Variants in HEPACAM observed in about 807,000 individuals in gnomAD.
HEPACAM encodes hepatic and glial cell adhesion molecule.
In HEPACAM, 18 loss-of-function variants were observed where a neutral mutation model predicts 38.3. The observed-to-expected ratio is 0.47, with a 90% CI of 0.33 to 0.70. The LOEUF (loss-of-function observed/expected upper bound fraction) is 0.70, where lower values mean the gene tolerates loss of function less well. Ranked by LOEUF, HEPACAM falls within the 30% of genes least tolerant of loss-of-function variation. The probability of loss-of-function intolerance (pLI) is 0.03; values close to 1 mark genes in which losing one functional copy is unlikely to be tolerated. For synonymous variants in HEPACAM, 216 were observed against 243.1 expected (o/e 0.89, Z 1.04); for missense variants, 466 against 563.0 (o/e 0.83, Z 1.74).
At chr11:124,922,940 G>T in intron 4 of HEPACAM, 122 bp from the exon 5 acceptor site, 1 of 989,800 alleles carries the variant, frequency 1.0e-6, no homozygotes, top group East Asian at 2.4e-5. Flanking sequence ...GATGGGCTGG[G>T]TACAGTTCAT....
intron 1 of HEPACAM, 151 bp from the exon 2 acceptor site, chr11:124,925,220 T>A: frequency 1.6e-6 from 1 of 620,562 alleles, no homozygotes; most frequent in Non-Finnish European, 2.8e-6. Context: ...GGGTGCTATC[T>A]CCTCCCCCAC....
chr11:124,927,936 C>T (rs1204930053), intron 1 of HEPACAM, among the ~76,000 whole-genome samples: 2 of 152,138 alleles, frequency 1.3e-5, no homozygotes, highest in Admixed American at 6.5e-5. Context: ...GCAGAAGAGA[C>T]AGCTCTACTG....
intron 1 of HEPACAM, among the ~76,000 whole-genome samples, chr11:124,927,538 T>A (rs3924273): frequency 7.0e-6 from 1 of 143,460 alleles, no homozygotes; most frequent in African/African-American, 2.6e-5. Flanking sequence ...TTTTTTTTTG[T>A]ATTTTTTTGT....
chr11:124,935,944 G>A lies in HEPACAM; in HGVS notation c.63C>T (p.Val21=). The A allele has an allele frequency of 6.2e-7, 1 of 1,614,034 alleles. No homozygotes were observed. The highest frequency in any genetic ancestry group is 8.5e-7 in the Non-Finnish European group (1 of 1,179,964). ...TACCTGTCTGGATCAGAAGAAGGTA[G>A]ACAAAAGGAGCAAGGCGCAGGGCCC... ...ASRALRLAPF[V]YLLLIQTDPL... Residue 21 remains valine (V), a synonymous_variant, in exon 1 of 7, where the codon GTC becomes GTT. Transcript: ENST00000298251.
In HEPACAM at chr11:124,925,068, G is replaced by C. The variant is rs148838622; in HGVS notation, c.87C>G (p.Asp29Glu). ...TGGTGATGTTCACCCCCTCCAGGGG[G>C]TCTGTGAACAGAGGCCCATGAGGAA... is the stretch of plus-strand genomic sequence containing the variant. ...PFVYLLLIQT[D>E]PLEGVNITSP... The change falls in exon 2 of 7, where the codon GAC (aspartate) becomes GAG (glutamate). Residue 29 changes from aspartate (D) to glutamate (E), a missense_variant and splice_region_variant. Coordinates refer to ENST00000298251, the MANE Select transcript of HEPACAM (RefSeq NM_152722.5). 6.8e-5 allele frequency: 107 copies of C among 1,583,918 alleles called. No individual in the cohort carries two copies. The highest frequency in any genetic ancestry group is 9.1e-5 in the Non-Finnish European group (106 of 1,163,044).
intron 1 of HEPACAM, among the ~76,000 whole-genome samples, chr11:124,931,901 G>T (rs1289275906): frequency 6.6e-6 from 1 of 152,326 alleles, no homozygotes; most frequent in East Asian, 1.9e-4. Context: ...TCATACAATG[G>T]AATACTATAC....
chr11:124,919,949 A>G lies in HEPACAM; in HGVS notation c.*1189T>C, dbSNP rs1425114730. On this transcript the variant is annotated 3_prime_UTR_variant, in exon 7 of 7. Transcript: ENST00000298251. ...TTACTGCCACTCCTATGAACTGTTC[A>G]ATAGGCGGTGGCATGGGCATGTCCT... 1 of 1,613,782 alleles carries G rather than the reference A, an allele frequency of 6.2e-7. No individual in the cohort carries two copies. Among genetic ancestry groups the G allele is most frequent in the Non-Finnish European group, 8.5e-7 (1 of 1,179,994 alleles).
chr11:124,930,738 A>C (rs1372201993), intron 1 of HEPACAM, among the ~76,000 whole-genome samples: 2 of 152,250 alleles, frequency 1.3e-5, no homozygotes, highest in Non-Finnish European at 2.9e-5. Flanking sequence ...ATGATGACAA[A>C]GGTGATACTG....
chr11:124,932,041 G>T (rs1217911835), intron 1 of HEPACAM, among the ~76,000 whole-genome samples: 1 of 152,112 alleles, frequency 6.6e-6, no homozygotes, highest in Non-Finnish European at 1.5e-5. Context: ...TTAGAAGTTA[G>T]GATACCACTA....
chr11:124,919,720 C>A lies in HEPACAM; in HGVS notation c.*1418G>T. On this transcript the variant is annotated 3_prime_UTR_variant, in exon 7 of 7. Transcript: ENST00000298251. ...ACTAGAAATGTCAGTGCCTTTGGGG[C>A]TGAGACAAAACTTGACCTGGTGTGG... is the stretch of plus-strand genomic sequence containing the variant. 1 of 1,608,480 alleles carries A rather than the reference C, an allele frequency of 6.2e-7. No individual in the cohort carries two copies. The highest frequency in any genetic ancestry group is 8.5e-7 in the Non-Finnish European group (1 of 1,177,356).
Position 124,920,840 on chromosome 11 carries a change from GT to G in HEPACAM, c.*297del. ...GTTAGTTTCCATAAAACCCTTTTGG[GT>G]ATTGGGCCAGAAATGTAATAATCTA... is the stretch of plus-strand genomic sequence containing the variant. On this transcript the variant is annotated 3_prime_UTR_variant, in exon 7 of 7. Transcript: ENST00000298251. 8.2e-7 allele frequency: 1 copy of G among 1,215,290 alleles called. No homozygotes were observed. The highest frequency in any genetic ancestry group is 1.0e-6 in the Non-Finnish European group (1 of 976,290). The allele number at this position is 1,215,290 out of a possible 1,614,324, so 75.3% of individuals were successfully genotyped here. A position where few individuals can be genotyped will look rare whatever the true frequency, so the allele number is the denominator to read the frequency against.
In HEPACAM at chr11:124,923,942, A is replaced by G; in HGVS notation, c.496T>C (p.Leu166=). 1 of 1,612,856 alleles carries G rather than the reference A, an allele frequency of 6.2e-7. No homozygotes were observed. Among genetic ancestry groups the G allele is most frequent in the Non-Finnish European group, 8.5e-7 (1 of 1,180,008 alleles). Residue 166 remains leucine (L), a synonymous_variant, in exon 3 of 7, where the codon TTG becomes CTG. Coordinates refer to ENST00000298251, the MANE Select transcript of HEPACAM (RefSeq NM_152722.5). Reference sequence around the variant, plus strand: ...GTGCCATTCTCATGTGAGCAGTTCAAGGTGAAGGCCTCGCTGAGCTCCAGC... The same window carrying G: ...GTGCCATTCTCATGTGAGCAGTTCAGGGTGAAGGCCTCGCTGAGCTCCAGC... ...TVLELSEAFT[L]NCSHENGTKP...
rs71042463 is a variant in HEPACAM, at chr11:124,920,678, C to CAAAAA, written c.*455_*459dup. On this transcript the variant is annotated 3_prime_UTR_variant, in exon 7 of 7. Coordinates refer to ENST00000298251, the MANE Select transcript of HEPACAM (RefSeq NM_152722.5). ...AAGTGGCCTCTCTAATCTGAACTTG[C>CAAAAA]AAAAAAAAAAAAAAAAAAAAAAAAA... 7,836 of 566,918 alleles carry CAAAAA rather than the reference C, an allele frequency of 0.014. 61 individuals carry two copies. Among genetic ancestry groups the CAAAAA allele is most frequent in the Middle Eastern group, 0.018 (19 of 1,082 alleles). The allele number at this position is 566,918 out of a possible 1,614,324, so 35.1% of individuals were successfully genotyped here. A position where few individuals can be genotyped will look rare whatever the true frequency, so the allele number is the denominator to read the frequency against.
Position 124,919,793 on chromosome 11 carries a change from G to T in HEPACAM, c.*1345C>A, listed in dbSNP as rs780179144. 1 of 1,614,124 alleles carries T rather than the reference G, an allele frequency of 6.2e-7. No individual in the cohort carries two copies. The highest frequency in any genetic ancestry group is 8.5e-7 in the Non-Finnish European group (1 of 1,180,020). On this transcript the variant is annotated 3_prime_UTR_variant, in exon 7 of 7. Coordinates refer to ENST00000298251, the MANE Select transcript of HEPACAM (RefSeq NM_152722.5). ...TGGAATTGCTCCATGGGTTGATGGC[G>T]AATCAGAGCTGGAGTTTAGGAGACT...
chr11:124,931,388 A>G (rs939590417), intron 1 of HEPACAM, among the ~76,000 whole-genome samples: 1 of 151,990 alleles, frequency 6.6e-6, no homozygotes, highest in South Asian at 2.1e-4. Flanking sequence ...AAAAAAAATT[A>G]TAGAGAAGAG....
At chr11:124,923,490 G>C in intron 3 of HEPACAM, 57 bp from the exon 4 acceptor site, 1 of 1,296,258 alleles carries the variant, frequency 7.7e-7, no homozygotes, top group Non-Finnish European at 1.1e-6. Context: ...AAGATGTGGT[G>C]AGCAGAACTT....
rs985918419 is a variant in HEPACAM at position 124,921,288 on chromosome 11, G to A, written c.1101C>T (p.Arg367=). The change falls in exon 7 of 7, where the codon CGC becomes CGT. Residue 367 remains arginine (R), a synonymous_variant. Transcript: ENST00000298251. This position sits in a 1 kb window ranked among gnomAD's most constrained non-coding sequence, Gnocchi z 4.6. ...AGTGTGTCCGGCCGGTGGCTGGGGAGCGCGCTGGGGAGCGCGGGTAGCGGC... is the reference window on the plus strand; with the variant it reads ...AGTGTGTCCGGCCGGTGGCTGGGGAACGCGCTGGGGAGCGCGGGTAGCGGC... ...SARRYPRSPA[R]SPATGRTHSS... 65 of 1,315,436 alleles carry A rather than the reference G, an allele frequency of 4.9e-5. No individual in the cohort carries two copies. Among genetic ancestry groups the A allele is most frequent in the Admixed American group, 1.6e-4 (4 of 24,674 alleles). The allele number at this position is 1,315,436 out of a possible 1,614,324, so 81.5% of individuals were successfully genotyped here. A position where few individuals can be genotyped will look rare whatever the true frequency, so the allele number is the denominator to read the frequency against.
chr11:124,924,346 A>G lies in HEPACAM; in HGVS notation c.428-336T>C, dbSNP rs1376322288. 6.6e-6 allele frequency among the ~76,000 whole-genome samples: 1 copy of G among 152,174 alleles called. No individual in the cohort carries two copies. The highest frequency in any genetic ancestry group is 1.5e-5 in the Non-Finnish European group (1 of 68,034). On this transcript the variant is annotated intron_variant, in intron 2 of 6. Transcript: ENST00000298251. This position sits in a 1 kb window ranked among gnomAD's most constrained non-coding sequence, Gnocchi z 4.4. ...GCCAGGAAGATATTTCAGTTGGGCT[A>G]AGCCTAGGTCCAACTGTTTAGGTTC...
intron 1 of HEPACAM, among the ~76,000 whole-genome samples, chr11:124,931,131 C>T (rs1947276757): frequency 6.6e-6 from 1 of 152,196 alleles, no homozygotes; most frequent in African/African-American, 2.4e-5. Flanking sequence ...TTTAAACTCC[C>T]ACAAGTTCAC....
Sources: gnomAD v4.1 joint callset for allele counts (sites outside exome capture counted in the v4.1 genomes callset) on GRCh38, gnomAD v4.1.1 for gene constraint, Gnocchi (gnomAD v3.1) non-coding constraint, MANE v1.5 for transcripts, NCBI Gene and HGNC (gene_info 2026-07-23, HGNC 2026-07-21) for gene names.